The following SPPL3 variants were observed in gnomAD, a reference collection of about 807,000 sequenced individuals.
SPPL3 encodes the protein signal peptide peptidase like 3, also known as signal peptide peptidase-like 3.
A neutral mutation model predicts 42.4 loss-of-function variants in SPPL3; 5 were observed. The ratio of observed to expected loss-of-function variants is 0.12; its 90% CI spans 0.06 to 0.25. The LOEUF (loss-of-function observed/expected upper bound fraction) is 0.25, where lower values mean the gene tolerates loss of function less well. Among genes scored for constraint, SPPL3 ranks in the 10% least tolerant of loss-of-function variants. The pLI is 1.00. For missense variants in SPPL3, 235 were observed against 489.0 expected, an observed-to-expected ratio of 0.48 and a Z score of 4.90; for synonymous variants, 195 against 181.8, an observed-to-expected ratio of 1.07 and a Z score of -0.58.
At chr12:120,877,499 G>A (rs1400711149) in intron 1 of SPPL3, among the ~76,000 whole-genome samples, 10 of 152,306 alleles carry the variant, frequency 6.6e-5, no homozygotes, top group Middle Eastern at 3.4e-3. Flanking sequence ...AGCATAACCC[G>A]GCCAGGAGTG....
chr12:120,856,297 G>A (rs1270535214), intron 1 of SPPL3, among the ~76,000 whole-genome samples: 1 of 150,570 alleles, frequency 6.6e-6, no homozygotes, highest in African/African-American at 2.4e-5. Flanking sequence ...AAAAAAAAAA[G>A]AAACACAAAG....
intron 2 of SPPL3, among the ~76,000 whole-genome samples, chr12:120,806,262 A>AT (rs1870485237): frequency 1.3e-5 from 2 of 148,638 alleles, no homozygotes; most frequent in South Asian, 4.5e-4. Context: ...CAGTGGCGCG[A>AT]TCATAGTTCA....
At chr12:120,843,455 C>G (rs1386304427) in intron 1 of SPPL3, among the ~76,000 whole-genome samples, 4 of 152,166 alleles carry the variant, frequency 2.6e-5, no homozygotes, top group African/African-American at 9.7e-5. Context: ...TCTGTAGCAT[C>G]TGACACTCCC....
chr12:120,783,618 A>G, intron 5 of SPPL3, 56 bp downstream of exon 5: 1 of 1,476,434 alleles, frequency 6.8e-7, no homozygotes, highest in Non-Finnish European at 9.2e-7. Flanking sequence ...GCTATCAAAT[A>G]TGACAGAAAA....
intron 1 of SPPL3, among the ~76,000 whole-genome samples, chr12:120,897,921 G>A (rs754115400): frequency 6.6e-6 from 1 of 151,912 alleles, no homozygotes; most frequent in Non-Finnish European, 1.5e-5. Flanking sequence ...CCATTCTCAG[G>A]TTTAATAATA....
chr12:120,852,746 TTC>T (rs1438094234), intron 1 of SPPL3, among the ~76,000 whole-genome samples: 1 of 66,864 alleles, frequency 1.5e-5, no homozygotes, highest in African/African-American at 5.5e-5. Context: ...TATAATATAT[TTC>T]ATATATTATA....
intron 1 of SPPL3, among the ~76,000 whole-genome samples, chr12:120,855,845 A>C (rs542201157): frequency 6.8e-4 from 103 of 152,368 alleles, no homozygotes; most frequent in Non-Finnish European, 1.3e-3. Flanking sequence ...CCCCAGAGCC[A>C]CATGGGGTGG....
intron 1 of SPPL3, among the ~76,000 whole-genome samples, chr12:120,892,273 T>C (rs1007630470): frequency 3.3e-5 from 5 of 152,164 alleles, no homozygotes; most frequent in African/African-American, 9.7e-5. Context: ...ACAAAGTGCA[T>C]TGTCAAAACG....
At chr12:120,859,770 CCT>C (rs1872573780) in intron 1 of SPPL3, among the ~76,000 whole-genome samples, 1 of 151,986 alleles carries the variant, frequency 6.6e-6, no homozygotes, top group South Asian at 2.1e-4. Context: ...ATGGTGAAAC[CCT>C]GTCTCTACTA....
At chr12:120,793,477 T>A (rs1869990717) in intron 2 of SPPL3, among the ~76,000 whole-genome samples, 1 of 152,184 alleles carries the variant, frequency 6.6e-6, no homozygotes, top group African/African-American at 2.4e-5. Flanking sequence ...AGTGAGACAC[T>A]GTCTCCTCAA....
At chr12:120,824,539 A>AT (rs371893187) in intron 1 of SPPL3, among the ~76,000 whole-genome samples, 43 of 151,882 alleles carry the variant, frequency 2.8e-4, no homozygotes, top group Non-Finnish European at 5.3e-4. Flanking sequence ...TTAAACTTTT[A>AT]TTTTTTCTGA....
intron 1 of SPPL3, among the ~76,000 whole-genome samples, chr12:120,877,949 GA>G: frequency 6.6e-6 from 1 of 152,084 alleles, no homozygotes; most frequent in East Asian, 1.9e-4. Context: ...TTGAATCTGG[GA>G]GGCAGAGGTT....
At chr12:120,850,177 C>T (rs969950842) in intron 1 of SPPL3, among the ~76,000 whole-genome samples, 4 of 152,142 alleles carry the variant, frequency 2.6e-5, no homozygotes, top group African/African-American at 9.7e-5. Context: ...ACTCTAGGGG[C>T]TGCCAAGGGA....
chr12:120,819,031 T>C (rs12423697), intron 1 of SPPL3, among the ~76,000 whole-genome samples: 16,058 of 152,236 alleles, frequency 0.11, 1,049 homozygotes, highest in East Asian at 0.3. Context: ...TACTGTCATA[T>C]GTTGTTTGAA....
rs1414126550 is a variant in SPPL3 at position 120,763,005 on chromosome 12, AGAGTCC to A, written c.*1988_*1993del. On this transcript the variant is annotated 3_prime_UTR_variant, in exon 11 of 11. Coordinates refer to ENST00000353487, the MANE Select transcript of SPPL3 (RefSeq NM_139015.5). ...TCGAGGGCTGAGAAGGAAGGAAGGG[AGAGTCC>A]GCAAGTGGATTTTTAGTCTTCACCC... is the stretch of plus-strand genomic sequence containing the variant. The A allele has an allele frequency of 3.9e-5, 6 of 152,222 alleles. No individual in the cohort carries two copies. The highest frequency in any genetic ancestry group is 1.4e-4 in the African/African-American group (6 of 41,434). The allele number at this position is 152,222 out of a possible 1,614,324, so 9.4% of individuals were successfully genotyped here. A position where few individuals can be genotyped will look rare whatever the true frequency, so the allele number is the denominator to read the frequency against.
chr12:120,863,980 G>C (rs1872689376), intron 1 of SPPL3, among the ~76,000 whole-genome samples: 1 of 151,956 alleles, frequency 6.6e-6, no homozygotes, highest in Non-Finnish European at 1.5e-5. Flanking sequence ...ACCCAGCCTA[G>C]ATGGTAGTTT....
At chr12:120,891,755 A>G (rs1025418813) in intron 1 of SPPL3, among the ~76,000 whole-genome samples, 3 of 125,644 alleles carry the variant, frequency 2.4e-5, no homozygotes, top group Non-Finnish European at 5.2e-5. Context: ...AAAAAAAAAA[A>G]AGCAGCTGAG....
intron 1 of SPPL3, 109 bp downstream of exon 1, chr12:120,903,736 C>A (rs1874060070): frequency 3.1e-6 from 2 of 646,324 alleles, no homozygotes; most frequent in South Asian, 2.1e-5. Flanking sequence ...ACCCGCGCCC[C>A]CCCCCCACGA....
At chr12:120,795,486 T>C (rs182788382) in intron 2 of SPPL3, among the ~76,000 whole-genome samples, 1 of 152,346 alleles carries the variant, frequency 6.6e-6, no homozygotes, top group Admixed American at 6.5e-5. Context: ...TTTTAAAAGA[T>C]ATTTTTGCTG....
Sources: allele counts gnomAD v4.1 joint callset (sites outside exome capture counted in the v4.1 genomes callset), GRCh38; gene constraint gnomAD v4.1.1; transcripts MANE v1.5; gene names NCBI Gene and HGNC (gene_info 2026-07-23, HGNC 2026-07-21).